KAT6A: variants seen among roughly 807,000 people sequenced by gnomAD.
KAT6A encodes the protein histone acetyltransferase KAT6A.
In KAT6A, 9 loss-of-function variants were observed where a neutral mutation model predicts 198.4. The observed-to-expected ratio is 0.05, with a 90% CI of 0.03 to 0.08. The LOEUF is 0.08. KAT6A is among the 10% of genes least tolerant of loss of function. KAT6A has a pLI of 1.00. For missense variants in KAT6A, 2,077 were observed against 2,509.9 expected (o/e 0.83, Z 3.69); for synonymous variants, 890 against 883.0 (o/e 1.01, Z -0.14).
chr8:41,973,835 T>A (rs982403462), intron 8 of KAT6A, among the ~76,000 whole-genome samples: 1 of 152,036 alleles, frequency 6.6e-6, no homozygotes, highest in Non-Finnish European at 1.5e-5. Flanking sequence ...CTCCTACATA[T>A]CCTTTAAGGC....
In KAT6A at chr8:42,048,589, T is replaced by C. The variant is rs754672983; in HGVS notation, c.389A>G (p.Asp130Gly). 8.7e-6 allele frequency: 14 copies of C among 1,614,108 alleles called. No individual in the cohort carries two copies. The highest frequency in any genetic ancestry group is 1.7e-5 in the Admixed American group (1 of 60,012). ...ACTGCCTCCGAATAATGCAGACACA[T>C]CCTTCTGACCTTTCAAAAAACGTTC... ...SIERFLKGQK[D>G]VSALFGGSAA... Residue 130 changes from aspartate to glycine, a missense_variant, in exon 2 of 17, where the codon GAT (aspartate) becomes GGT (glycine). Asp to Gly is a moderately conservative substitution (Grantham distance 94). Coordinates refer to ENST00000265713, the MANE Select transcript of KAT6A (RefSeq NM_006766.5).
At position 41,941,062 on chromosome 8, in the gene KAT6A, A is replaced by G. The variant is rs1408555965; in HGVS notation, c.2819T>C (p.Leu940Pro). The change falls in exon 15 of 17, where the codon CTC becomes CCC. Residue 940 changes from leucine to proline, a missense_variant. Physicochemically the swap from Leu to Pro is moderately conservative, Grantham distance 98. Coordinates refer to ENST00000265713, the MANE Select transcript of KAT6A (RefSeq NM_006766.5). ...DGKPDLPKRR[L>P]SEGVEPWRGQ... ...TCGCCAGGGCTCAACCCCCTCACTGAGTCTTCTCTTGGGAAGGTCAGGTTT... is the reference window on the plus strand; with the variant it reads ...TCGCCAGGGCTCAACCCCCTCACTGGGTCTTCTCTTGGGAAGGTCAGGTTT... 6.2e-7 allele frequency: 1 copy of G among 1,614,010 alleles called. No homozygotes were observed. Among genetic ancestry groups the G allele is most frequent in the East Asian group, 2.2e-5 (1 of 44,856 alleles).
At chr8:41,986,425 C>CTGAA (rs1824606542) in intron 3 of KAT6A, among the ~76,000 whole-genome samples, 1 of 152,126 alleles carries the variant, frequency 6.6e-6, no homozygotes, top group South Asian at 2.1e-4. Context: ...CATCCTGGTT[C>CTGAA]TATTCATCAA....
intron 2 of KAT6A, among the ~76,000 whole-genome samples, chr8:42,045,931 G>C (rs1802265150): frequency 6.6e-6 from 1 of 151,994 alleles, no homozygotes; most frequent in African/African-American, 2.4e-5. Flanking sequence ...GTTGCAGTGA[G>C]CTGAGATCAC....
In KAT6A at chr8:42,010,183, T is replaced by C. The variant is rs190268563; in HGVS notation, c.601-22620A>G. ...AGCTTGGTGTGGTCGCGCACGCATG[T>C]AGTCCCAGCTACTCTGGAGGCTGAG... On this transcript the variant is annotated intron_variant, in intron 2 of 16. Transcript: ENST00000265713. 3.3e-5 allele frequency among the ~76,000 whole-genome samples: 5 copies of C among 152,224 alleles called. No individual in the cohort carries two copies. The East Asian group carries it at 7.7e-4, about 24-fold the overall frequency.
intron 9 of KAT6A, among the ~76,000 whole-genome samples, chr8:41,953,576 C>T (rs1249036735): frequency 6.6e-6 from 1 of 152,200 alleles, no homozygotes. Context: ...CAGGTTCAAG[C>T]GATTCTCCTA....
intron 8 of KAT6A, chr8:41,957,279 C>T (rs1490309919): frequency 3.5e-6 from 2 of 564,260 alleles, no homozygotes; most frequent in Non-Finnish European, 7.2e-6. Flanking sequence ...ATGTGTGAGC[C>T]CGCCTCCACT....
At chr8:42,050,987 CTT>C (rs1802594768) in intron 1 of KAT6A, among the ~76,000 whole-genome samples, 1 of 152,180 alleles carries the variant, frequency 6.6e-6, no homozygotes, top group Admixed American at 6.5e-5. Context: ...TTCGCGCTCT[CTT>C]TTCAAAGAGC....
At chr8:41,972,757 G>A (rs1823860296) in intron 8 of KAT6A, among the ~76,000 whole-genome samples, 1 of 152,212 alleles carries the variant, frequency 6.6e-6, no homozygotes, top group Non-Finnish European at 1.5e-5. Context: ...CCATGGTCAT[G>A]TATGAGAACA....
At chr8:41,974,933 T>TA (rs1480074881) in intron 7 of KAT6A, 111 bp from the exon 8 acceptor site, 3 of 603,486 alleles carry the variant, frequency 5.0e-6, no homozygotes, top group Non-Finnish European at 8.9e-6. Context: ...TAACGAAGAA[T>TA]ATAGCATTAA....
chr8:42,026,809 C>T (rs1205168654), intron 2 of KAT6A, among the ~76,000 whole-genome samples: 3 of 151,998 alleles, frequency 2.0e-5, no homozygotes, highest in Non-Finnish European at 4.4e-5. Flanking sequence ...ACGCTGAATA[C>T]GAGTTGTGAG....
intron 2 of KAT6A, among the ~76,000 whole-genome samples, chr8:42,015,090 C>G (rs951402641): frequency 9.9e-5 from 15 of 152,152 alleles, no homozygotes; most frequent in African/African-American, 3.4e-4. Flanking sequence ...GAGAGGAGAA[C>G]AATATAACAG....
chr8:42,017,458 G>C (rs894419184), intron 2 of KAT6A, among the ~76,000 whole-genome samples: 3 of 152,122 alleles, frequency 2.0e-5, no homozygotes, highest in African/African-American at 4.8e-5. Context: ...TATAAAGGAA[G>C]GGAGTCATGG....
At position 42,016,931 on chromosome 8, in the gene KAT6A, T is replaced by C. The variant is rs552042946; in HGVS notation, c.601-29368A>G. On this transcript the variant is annotated intron_variant, in intron 2 of 16. Coordinates refer to ENST00000265713, the MANE Select transcript of KAT6A (RefSeq NM_006766.5). ...AAAAAAATTAGCACTACATACACTTTTATTTTCCCCAAATTTTTATCAATA... is the reference window on the plus strand; with the variant it reads ...AAAAAAATTAGCACTACATACACTTCTATTTTCCCCAAATTTTTATCAATA... Among the ~76,000 whole-genome samples, 69 of 152,242 alleles carry C rather than the reference T, an allele frequency of 4.5e-4. 2 individuals carry two copies. In the Middle Eastern group the frequency reaches 0.014, roughly 30 times the overall value.
intron 2 of KAT6A, among the ~76,000 whole-genome samples, chr8:42,029,375 G>A (rs895416188): frequency 6.6e-6 from 1 of 151,902 alleles, no homozygotes; most frequent in Non-Finnish European, 1.5e-5. Flanking sequence ...CTATGCCTTT[G>A]CCCCTCTATT....
At position 42,048,242 on chromosome 8, in the gene KAT6A, C is replaced by A. The variant is rs1003303996; in HGVS notation, c.600+136G>T. On this transcript the variant is annotated intron_variant, in intron 2 of 16. Coordinates refer to ENST00000265713, the MANE Select transcript of KAT6A (RefSeq NM_006766.5). The stretch of plus-strand genomic sequence containing the variant: ...CTATGAAGCTCTCATAGCTACAACT[C>A]ACCAATAAAAAACCAGAGGTGATCA... 9.9e-6 allele frequency: 8 copies of A among 808,214 alleles called. No individual in the cohort carries two copies. The East Asian group carries it at 2.0e-4, about 20-fold the overall frequency. 50.1% of individuals were successfully genotyped at this position (808,214 alleles called of 1,614,324 possible). A position where few individuals can be genotyped will look rare whatever the true frequency, so the allele number is the denominator to read the frequency against.
At chr8:41,936,434 A>G (rs996502111) in intron 16 of KAT6A, among the ~76,000 whole-genome samples, 9 of 152,236 alleles carry the variant, frequency 5.9e-5, no homozygotes, top group Admixed American at 3.3e-4. Flanking sequence ...CTGGACAAGT[A>G]GATTTCTTCA....
At chr8:41,961,225 C>T (rs564595455) in intron 8 of KAT6A, among the ~76,000 whole-genome samples, 1 of 152,376 alleles carries the variant, frequency 6.6e-6, no homozygotes, top group Non-Finnish European at 1.5e-5. Context: ...TTCCCACCCA[C>T]ATCTGTCTGC....
In KAT6A at chr8:41,974,810, C is replaced by T. The variant is rs1031079384; in HGVS notation, c.1376G>A (p.Gly459Asp). 6.2e-7 allele frequency: 1 copy of T among 1,608,420 alleles called. No homozygotes were observed. The highest frequency in any genetic ancestry group is 8.5e-7 in the Non-Finnish European group (1 of 1,176,060). Residue 459 changes from glycine (G) to aspartate (D), a missense_variant, in exon 8 of 17, where the codon GGC becomes GAC. Around this residue, in one of 13 missense-constraint regions of KAT6A, gnomAD observed 206 missense variants for 214.9 expected, o/e 0.96. Coordinates refer to ENST00000265713, the MANE Select transcript of KAT6A (RefSeq NM_006766.5). ...TSDWPTDNQD[G>D]WDGKQENEER... is the part of the protein sequence containing the mutation. ...CTCATTTTCTTGTTTGCCATCCCAG[C>T]CATCCTGATTGTCTACATATAAAAA...
Sources: allele counts gnomAD v4.1 joint callset (sites outside exome capture counted in the v4.1 genomes callset), GRCh38; gene constraint gnomAD v4.1.1; regional missense constraint gnomAD v4.1.1; transcripts MANE v1.5; gene names NCBI Gene and HGNC (gene_info 2026-07-23, HGNC 2026-07-21).